Variants in PYGL observed in about 807,000 individuals in gnomAD.
The protein encoded by PYGL is glycogen phosphorylase L.
Under a neutral mutation model 100.1 loss-of-function variants are expected in PYGL, and 90 were observed. That is an observed-to-expected ratio of 0.90 (90% CI 0.76 to 1.07). PYGL has a LOEUF of 1.07. PYGL is among the 50% of genes least tolerant of loss of function. The pLI, the probability that PYGL is intolerant of heterozygous loss-of-function variation, is 0.00. For synonymous variants in PYGL, 373 were observed against 393.0 expected (o/e 0.95, Z 0.60); for missense variants, 1,016 against 1,057.6 (o/e 0.96, Z 0.55).
Position 50,915,459 on chromosome 14 carries a change from C to G in PYGL, c.1280G>C (p.Arg427Thr). The stretch of plus-strand genomic sequence containing the variant: ...TTCCTCTTCTATCAGAGACATCCTT[C>G]TCAGACGGTCCACATCTTTAGGAAA... The part of the protein sequence containing the change: ...ALFPKDVDRL[R>T]RMSLIEEEGS... Residue 427 changes from arginine (R) to threonine (T), a missense_variant, in exon 11 of 20, where the codon AGA (arginine) becomes ACA (threonine). Arg to Thr is a moderately conservative substitution (Grantham distance 71). Transcript: ENST00000216392. The G allele has an allele frequency of 6.2e-7, 1 of 1,614,214 alleles. No individual in the cohort carries two copies. The highest frequency in any genetic ancestry group is 1.3e-5 in the African/African-American group (1 of 75,052).
rs1468192030 is a variant in PYGL, at chr14:50,935,642, T to TA, written c.346-458dup. 3.3e-5 allele frequency among the ~76,000 whole-genome samples: 5 copies of TA among 152,334 alleles called. No homozygotes were observed. The East Asian group carries it at 9.6e-4, about 29-fold the overall frequency. ...TGTGTGTGTGTGTGTACAGTAGGGT[T>TA]AAAACCTCAGAAACAGTCCAGTACC... On this transcript the variant is annotated intron_variant, in intron 2 of 19. Coordinates refer to ENST00000216392, the MANE Select transcript of PYGL (RefSeq NM_002863.5).
chr14:50,925,852 T>C (rs1203920087), intron 4 of PYGL, among the ~76,000 whole-genome samples: 1 of 152,126 alleles, frequency 6.6e-6, no homozygotes, highest in African/African-American at 2.4e-5. Flanking sequence ...AGATGAACCC[T>C]AGGGAAGGCT....
At position 50,916,632 on chromosome 14, in the gene PYGL, C is replaced by G; in HGVS notation, c.1092+10G>C. The stretch of plus-strand genomic sequence containing the variant: ...TTAATTAAAGGAAAAAGAAGCCAAA[C>G]TATCCAGACCTTGGACCAGGGCAGT... On this transcript the variant is annotated intron_variant, in intron 9 of 19. Coordinates refer to ENST00000216392, the MANE Select transcript of PYGL (RefSeq NM_002863.5). 6.2e-7 allele frequency: 1 copy of G among 1,604,360 alleles called. No homozygotes were observed. The highest frequency in any genetic ancestry group is 8.5e-7 in the Non-Finnish European group (1 of 1,171,200).
intron 1 of PYGL, among the ~76,000 whole-genome samples, chr14:50,939,351 A>C (rs1304766443): frequency 6.6e-6 from 1 of 152,198 alleles, no homozygotes; most frequent in Non-Finnish European, 1.5e-5. Context: ...TTAATTTTAG[A>C]ATCAAATTTT....
intron 2 of PYGL, among the ~76,000 whole-genome samples, chr14:50,936,106 G>C (rs2050651431): frequency 6.6e-6 from 1 of 152,192 alleles, no homozygotes; most frequent in African/African-American, 2.4e-5. Context: ...TGAAAGAATT[G>C]TTGGTCAGGC....
chr14:50,909,989 C>T lies in PYGL; in HGVS notation c.2083G>A (p.Gly695Arg), dbSNP rs368758632. 6 of 1,614,110 alleles carry T rather than the reference C, an allele frequency of 3.7e-6. No homozygotes were observed. In the African/African-American group the frequency reaches 8.0e-5, roughly 22 times the overall value. The change falls in exon 17 of 20, where the codon GGG (glycine) becomes AGG (arginine). Residue 695 changes from glycine (G) to arginine (R), a missense_variant. Gly to Arg is a moderately radical substitution (Grantham distance 125). Coordinates refer to ENST00000216392, the MANE Select transcript of PYGL (RefSeq NM_002863.5). ...TCTTCTGCCATTTCCACATTGGCCCCATCCATGGTCCCGATAGTTAGGGCC... is the reference window on the plus strand; with the variant it reads ...TCTTCTGCCATTTCCACATTGGCCCTATCCATGGTCCCGATAGTTAGGGCC... Reference protein sequence around the residue: ...NGALTIGTMDGANVEMAEEAG... With the variant: ...NGALTIGTMDRANVEMAEEAG...
chr14:50,916,617 G>C, intron 9 of PYGL, 25 bp downstream of exon 9: 1 of 1,585,202 alleles, frequency 6.3e-7, no homozygotes, highest in Non-Finnish European at 8.7e-7. Context: ...TTAATTAAAG[G>C]AAAAAGAAGC....
chr14:50,939,528 T>G (rs1001451785), intron 1 of PYGL, among the ~76,000 whole-genome samples: 5 of 152,014 alleles, frequency 3.3e-5, no homozygotes, highest in Non-Finnish European at 7.4e-5. Context: ...AGGTGAGAGG[T>G]ACAAAGTTCA....
intron 1 of PYGL, among the ~76,000 whole-genome samples, chr14:50,939,615 G>A (rs926574049): frequency 2.0e-5 from 3 of 149,666 alleles, no homozygotes; most frequent in Non-Finnish European, 4.4e-5. Context: ...TAACTTCATT[G>A]CCCCCTTTTA....
At position 50,912,854 on chromosome 14, in the gene PYGL, T is replaced by C. The variant is rs549609646; in HGVS notation, c.1620+175A>G. The C allele has an allele frequency of 8.0e-5, 48 of 597,174 alleles. No individual in the cohort carries two copies. The African/African-American group carries it at 8.6e-4, about 11-fold the overall frequency. The allele number at this position is 597,174 out of a possible 1,614,324, so 37.0% of individuals were successfully genotyped here. A position where few individuals can be genotyped will look rare whatever the true frequency, so the allele number is the denominator to read the frequency against. ...CTGTCATCCCAGCTGCTTGGGAGGC[T>C]GAGGCGGGATAATCGCTTGAACCTG... On this transcript the variant is annotated intron_variant, in intron 13 of 19. Coordinates refer to ENST00000216392, the MANE Select transcript of PYGL (RefSeq NM_002863.5).
chr14:50,908,970 T>TG lies in PYGL; in HGVS notation c.2178-16dup. 8.4e-7 allele frequency: 1 copy of TG among 1,186,364 alleles called. No homozygotes were observed. 73.5% of individuals were successfully genotyped at this position (1,186,364 alleles called of 1,614,324 possible). The stretch of plus-strand genomic sequence containing the variant: ...TTGCCTCGTACCTGTGGGGTAGGGG[T>TG]GGGTGGGTGATAAAAAAAGGCTCTG... On this transcript the variant is annotated splice_polypyrimidine_tract_variant and intron_variant, in intron 17 of 19. Transcript: ENST00000216392.
intron 2 of PYGL, among the ~76,000 whole-genome samples, chr14:50,935,908 C>A (rs190318845): frequency 0.013 from 1,932 of 152,258 alleles, 17 homozygotes; most frequent in Non-Finnish European, 0.019. Context: ...TTTACTTTTC[C>A]CTGGGGTGGA....
chr14:50,908,999 T>C (rs1275223211), intron 17 of PYGL, 44 bp from the exon 18 acceptor site: 3 of 1,566,594 alleles, frequency 1.9e-6, no homozygotes, highest in Middle Eastern at 1.7e-4. Flanking sequence ...GGCTCTGTTA[T>C]TGTGTTGTGT....
Position 50,912,315 on chromosome 14 carries a change from G to T in PYGL, c.1621-12C>A. ...TTCAGCTTATTCTCCTGTTAAGACA[G>T]TGCATGGTGCCAGAGCTCTTTTGGC... On this transcript the variant is annotated splice_polypyrimidine_tract_variant and intron_variant, in intron 13 of 19. Transcript: ENST00000216392. The T allele has an allele frequency of 6.2e-7, 1 of 1,613,440 alleles. No individual in the cohort carries two copies. The highest frequency in any genetic ancestry group is 1.1e-5 in the South Asian group (1 of 91,082).
In PYGL at chr14:50,931,676, C is replaced by A. The variant is rs750216984; in HGVS notation, c.525G>T (p.Trp175Cys). 3.2e-5 allele frequency: 52 copies of A among 1,612,282 alleles called. No individual in the cohort carries two copies. The highest frequency in any genetic ancestry group is 4.1e-5 in the Non-Finnish European group (48 of 1,178,520). The change falls in exon 4 of 20, where the codon TGG (tryptophan) becomes TGT (cysteine). Residue 175 changes from tryptophan (W) to cysteine (C), a missense_variant. Trp to Cys is a radical substitution (Grantham distance 215). Coordinates refer to ENST00000216392, the MANE Select transcript of PYGL (RefSeq NM_002863.5). ...GIFNQKIRDG[W>C]QVEEADDWLR... ...TTTAAAAAGATGGCTCACACACCTG[C>A]CATCCATCTCGGATCTTCTGATTGA...
rs2050403394 is a variant in PYGL, at chr14:50,911,976, A to T, written c.1827+2T>A. ...AGTCCCCATTGAATAGATTCAACTT[A>T]CTTTACCACCAATGATAACTGTCCT... On this transcript the variant is annotated splice_donor_variant, in intron 15 of 19. Coordinates refer to ENST00000216392, the MANE Select transcript of PYGL (RefSeq NM_002863.5). LOFTEE classifies it high-confidence loss of function. 1.2e-6 allele frequency: 2 copies of T among 1,613,474 alleles called. No individual in the cohort carries two copies. Among genetic ancestry groups the T allele is most frequent in the Non-Finnish European group, 1.7e-6 (2 of 1,179,484 alleles).
At chr14:50,918,039 T>G (rs774940761) in intron 7 of PYGL, among the ~76,000 whole-genome samples, 2 of 152,072 alleles carry the variant, frequency 1.3e-5, no homozygotes, top group Admixed American at 6.6e-5. Context: ...TAGACAATTC[T>G]CAAAAGAAGA....
At chr14:50,910,288 C>A (rs908014976) in intron 16 of PYGL, among the ~76,000 whole-genome samples, 186 bp from the exon 17 acceptor site, 4 of 152,170 alleles carry the variant, frequency 2.6e-5, no homozygotes, top group Non-Finnish European at 4.4e-5. Context: ...CACTTTTGTC[C>A]ATTTTATATG....
chr14:50,926,724 T>TTAAAAA (rs2050550817), intron 4 of PYGL, among the ~76,000 whole-genome samples: 11 of 22,478 alleles, frequency 4.9e-4, no homozygotes, highest in African/African-American at 1.8e-3. Flanking sequence ...AGACTCTGTC[T>TTAAAAA]CAAAAAAAAA....
Sources: gnomAD v4.1 joint callset for allele counts (sites outside exome capture counted in the v4.1 genomes callset) on GRCh38, gnomAD v4.1.1 for gene constraint, MANE v1.5 for transcripts, NCBI Gene and HGNC (gene_info 2026-07-23, HGNC 2026-07-21) for gene names.